PNLIPRP3: variants seen among roughly 807,000 people sequenced by gnomAD.
PNLIPRP3 encodes the protein pancreatic lipase-related protein 3.
PNLIPRP3 carries 58 observed loss-of-function variants against 52.8 expected under a neutral mutation model. That is an observed-to-expected ratio of 1.10 (90% CI 0.89 to 1.37). The LOEUF (loss-of-function observed/expected upper bound fraction) is 1.37, where lower values mean the gene tolerates loss of function less well. Among genes scored for constraint, PNLIPRP3 ranks in the 40% most tolerant of loss-of-function variants. PNLIPRP3 has a pLI of 0.00. For missense variants in PNLIPRP3, 593 were observed against 561.6 expected (o/e 1.06, Z -0.57); for synonymous variants, 192 against 185.0 (o/e 1.04, Z -0.31).
At chr10:116,439,556 C>G in intron 2 of PNLIPRP3, 1 of 847,530 alleles carries the variant, frequency 1.2e-6, no homozygotes, top group Non-Finnish European at 2.0e-6. Context: ...CGCCATCAAA[C>G]TTTACTTTCG....
intron 10 of PNLIPRP3, among the ~76,000 whole-genome samples, chr10:116,472,371 C>T (rs908870913): frequency 6.6e-6 from 1 of 152,044 alleles, no homozygotes; most frequent in African/African-American, 2.4e-5. Context: ...TTTGCTAAAC[C>T]CTCCTTTTAT....
intron 10 of PNLIPRP3, 34 bp from the exon 11 acceptor site, chr10:116,476,618 A>C: frequency 6.6e-7 from 1 of 1,506,392 alleles, no homozygotes; most frequent in Non-Finnish European, 8.9e-7. Flanking sequence ...GTGAATACCC[A>C]GTGCAAACTT....
chr10:116,466,154 A>G lies in PNLIPRP3; in HGVS notation c.913A>G (p.Thr305Ala). Residue 305 changes from threonine to alanine, a missense_variant, in exon 8 of 12, where the codon ACA (threonine) becomes GCA (alanine). Coordinates refer to ENST00000369230, the MANE Select transcript of PNLIPRP3 (RefSeq NM_001011709.3). Reference sequence around the variant, plus strand: ...TATTGCTTATCCTTGTAGATCCTACACATCTTTTAAAGCAGTAAGTAAATC... The same window carrying G: ...TATTGCTTATCCTTGTAGATCCTACGCATCTTTTAAAGCAGTAAGTAAATC... ...AFIAYPCRSY[T>A]SFKAGNCFFC... The G allele has an allele frequency of 6.2e-7, 1 of 1,600,906 alleles. No homozygotes were observed. The highest frequency in any genetic ancestry group is 8.5e-7 in the Non-Finnish European group (1 of 1,169,878).
intron 3 of PNLIPRP3, among the ~76,000 whole-genome samples, chr10:116,443,801 G>A (rs1369377600): frequency 0.036 from 398 of 11,126 alleles, 14 homozygotes; most frequent in African/African-American, 0.073. Context: ...ATGTGTGTGT[G>A]CATATATATA....
Position 116,436,614 on chromosome 10 carries a change from ATT to A in PNLIPRP3, c.50-95_50-94del, listed in dbSNP as rs1845777481. 10 of 1,271,258 alleles carry A rather than the reference ATT, an allele frequency of 7.9e-6. No homozygotes were observed. The South Asian group carries it at 1.9e-4, about 25-fold the overall frequency. 78.7% of individuals were successfully genotyped at this position (1,271,258 alleles called of 1,614,324 possible). A position where few individuals can be genotyped will look rare whatever the true frequency, so the allele number is the denominator to read the frequency against. On this transcript the variant is annotated intron_variant, in intron 1 of 11. Transcript: ENST00000369230. Reference sequence around the variant, plus strand: ...AAGCCATAAATCCAATAAGGGGTTAATTTCCAAAATTAAATTCTACTTTAACT... The same window carrying A: ...AAGCCATAAATCCAATAAGGGGTTAATCCAAAATTAAATTCTACTTTAACT...
At chr10:116,428,584 G>C (rs912983209) in intron 1 of PNLIPRP3, among the ~76,000 whole-genome samples, 3 of 152,012 alleles carry the variant, frequency 2.0e-5, no homozygotes, top group African/African-American at 7.2e-5. Context: ...CAGTTTTCTG[G>C]AGGGCTGTTA....
chr10:116,447,597 TA>T (rs1471564483), intron 4 of PNLIPRP3, among the ~76,000 whole-genome samples: 2 of 151,950 alleles, frequency 1.3e-5, no homozygotes, highest in African/African-American at 2.4e-5. Context: ...ACAAGAAGAT[TA>T]AAAAAATATA....
chr10:116,465,946 C>T (rs1846276010), intron 7 of PNLIPRP3, 104 bp from the exon 8 acceptor site: 3 of 822,652 alleles, frequency 3.6e-6, no homozygotes, highest in Non-Finnish European at 6.2e-6. Flanking sequence ...TCTGGCCCTC[C>T]CAACTCAAGA....
At chr10:116,477,063 CTT>C (rs760578584) in intron 11 of PNLIPRP3, 25 bp from the exon 12 acceptor site, 16 of 1,311,734 alleles carry the variant, frequency 1.2e-5, no homozygotes, top group Admixed American at 4.2e-5. Context: ...GTTAAAATTC[CTT>C]TTTTTTTTCC....
At chr10:116,434,117 A>G (rs1360546801) in intron 1 of PNLIPRP3, among the ~76,000 whole-genome samples, 1 of 152,202 alleles carries the variant, frequency 6.6e-6, no homozygotes, top group African/African-American at 2.4e-5. Flanking sequence ...TAGTAAGACA[A>G]AAAGAAAAAA....
chr10:116,443,212 G>A lies in PNLIPRP3; in HGVS notation c.324+38G>A, dbSNP rs201551337. On this transcript the variant is annotated intron_variant, in intron 3 of 11. Transcript: ENST00000369230. The stretch of plus-strand genomic sequence containing the variant: ...TAAGCTCCTTTTTACACTAGCATGC[G>A]AGCTTTATGTTTAACATGAATGTAC... 63 of 1,580,070 alleles carry A rather than the reference G, an allele frequency of 4.0e-5. No homozygotes were observed. In the East Asian group the frequency reaches 6.4e-4, roughly 16 times the overall value.
chr10:116,475,198 C>T (rs568727949), intron 10 of PNLIPRP3, among the ~76,000 whole-genome samples: 69 of 152,290 alleles, frequency 4.5e-4, no homozygotes, highest in African/African-American at 1.6e-3. Context: ...AAACCAAATA[C>T]TGAATGTTCT....
rs139638061 is a variant in PNLIPRP3, at chr10:116,476,515, T to C, written c.1173-137T>C. The C allele has an allele frequency of 2.4e-4, 146 of 615,104 alleles. No individual in the cohort carries two copies. In the African/African-American group the frequency reaches 2.5e-3, roughly 11 times the overall value. 38.1% of individuals were successfully genotyped at this position (615,104 alleles called of 1,614,324 possible). A position where few individuals can be genotyped will look rare whatever the true frequency, so the allele number is the denominator to read the frequency against. The stretch of plus-strand genomic sequence containing the variant: ...ATTCTGAGATGCTGATCAATACACA[T>C]GGAAAGAATAAATCTCCTACAAGCA... On this transcript the variant is annotated intron_variant, in intron 10 of 11. Coordinates refer to ENST00000369230, the MANE Select transcript of PNLIPRP3 (RefSeq NM_001011709.3).
At chr10:116,432,396 G>A (rs1644818687) in intron 1 of PNLIPRP3, among the ~76,000 whole-genome samples, 1 of 152,066 alleles carries the variant, frequency 6.6e-6, no homozygotes, top group South Asian at 2.1e-4. Flanking sequence ...TTTCTTTAAA[G>A]AATTCTTAGG....
At chr10:116,453,418 G>T (rs1278619026) in intron 4 of PNLIPRP3, among the ~76,000 whole-genome samples, 1 of 152,128 alleles carries the variant, frequency 6.6e-6, no homozygotes, top group Non-Finnish European at 1.5e-5. Flanking sequence ...GGAAGAGTAA[G>T]AAGGGATGAT....
chr10:116,441,823 C>T (rs1845862858), intron 2 of PNLIPRP3, among the ~76,000 whole-genome samples: 1 of 152,180 alleles, frequency 6.6e-6, no homozygotes, highest in Non-Finnish European at 1.5e-5. Flanking sequence ...TTAGTACCTA[C>T]TTCACAGTGT....
intron 4 of PNLIPRP3, among the ~76,000 whole-genome samples, chr10:116,451,946 G>A (rs1176352332): frequency 6.6e-6 from 1 of 152,204 alleles, no homozygotes; most frequent in East Asian, 1.9e-4. Context: ...GAGTTGTGGG[G>A]CTCAGAAGAA....
At chr10:116,443,808 T>TGC (rs1356480690) in intron 3 of PNLIPRP3, among the ~76,000 whole-genome samples, 2 of 4,348 alleles carry the variant, frequency 4.6e-4, no homozygotes, top group African/African-American at 5.4e-4. Context: ...TGTGCATATA[T>TGC]ATATATATAT....
chr10:116,454,428 T>G (rs1009115272), intron 4 of PNLIPRP3, among the ~76,000 whole-genome samples: 4 of 152,200 alleles, frequency 2.6e-5, no homozygotes, highest in African/African-American at 9.6e-5. Flanking sequence ...GATGTACCAT[T>G]TTTTAATAAT....
Sources: gnomAD v4.1 joint callset for allele counts (sites outside exome capture counted in the v4.1 genomes callset) on GRCh38, gnomAD v4.1.1 for gene constraint, MANE v1.5 for transcripts, NCBI Gene and HGNC (gene_info 2026-07-23, HGNC 2026-07-21) for gene names.